VPS54: variants seen among roughly 807,000 people sequenced by gnomAD.
VPS54 encodes VPS54 subunit of GARP complex.
In VPS54, 45 loss-of-function variants were observed where a neutral mutation model predicts 121.5. The ratio of observed to expected loss-of-function variants is 0.37; its 90% CI spans 0.29 to 0.47. The LOEUF is 0.47. Ranked by LOEUF, VPS54 falls within the 20% of genes least tolerant of loss-of-function variation. VPS54 has a pLI of 0.99. For synonymous variants in VPS54, 371 were observed against 385.8 expected (o/e 0.96, Z 0.45); for missense variants, 1,090 against 1,131.4 (o/e 0.96, Z 0.52).
In VPS54 at chr2:63,989,035, G is replaced by A. The variant is rs188383278; in HGVS notation, c.-20-5016C>T. 5.5e-4 allele frequency among the ~76,000 whole-genome samples: 83 copies of A among 152,266 alleles called. 1 individual carries two copies. In the East Asian group the frequency reaches 0.014, roughly 26 times the overall value. On this transcript the variant is annotated intron_variant, in intron 1 of 22. Transcript: ENST00000272322. ...GGGGCCTCTAAAATGGCCGCTCTGG[G>A]AGTGTCTGCCTTACGCAGTTGTAGA... is the stretch of plus-strand genomic sequence containing the variant.
rs543100631 is a variant in VPS54 at position 63,902,864 on chromosome 2, A to G, written c.2626-3283T>C. On this transcript the variant is annotated intron_variant, in intron 20 of 22. Transcript: ENST00000272322. The stretch of plus-strand genomic sequence containing the variant: ...ATGCCTATAATCCCAGCTACTCCAG[A>G]GGCTGAGACCTGAGAATTGCTTAAA... Among the ~76,000 whole-genome samples, 3 of 152,332 alleles carry G rather than the reference A, an allele frequency of 2.0e-5. No individual in the cohort carries two copies. In the East Asian group the frequency reaches 5.8e-4, roughly 29 times the overall value.
intron 1 of VPS54, among the ~76,000 whole-genome samples, chr2:63,984,457 T>A (rs1676947765): frequency 6.6e-6 from 1 of 152,156 alleles, no homozygotes; most frequent in Admixed American, 6.5e-5. Flanking sequence ...ATCAGTGAAA[T>A]GGAGATGAAA....
intron 7 of VPS54, among the ~76,000 whole-genome samples, chr2:63,955,387 T>C (rs1675445932): frequency 1.3e-5 from 2 of 152,036 alleles, no homozygotes; most frequent in Admixed American, 1.3e-4. Context: ...CACTCAGGTA[T>C]GTGTTACCTC....
At chr2:64,010,210 A>C (rs1374848919) in intron 1 of VPS54, among the ~76,000 whole-genome samples, 1 of 152,210 alleles carries the variant, frequency 6.6e-6, no homozygotes, top group African/African-American at 2.4e-5. Flanking sequence ...AACATGGATA[A>C]AGTGGAATTT....
At chr2:63,920,124 C>A in intron 14 of VPS54, 129 bp from the exon 15 acceptor site, 1 of 668,260 alleles carries the variant, frequency 1.5e-6, no homozygotes. Flanking sequence ...CTTTAATAAG[C>A]AGGACCAATA....
At chr2:63,923,310 A>C (rs1358101614) in intron 12 of VPS54, among the ~76,000 whole-genome samples, 1 of 151,936 alleles carries the variant, frequency 6.6e-6, no homozygotes, top group Non-Finnish European at 1.5e-5. Flanking sequence ...AGTGAGGAAA[A>C]AAAAAAAGAA....
chr2:63,914,353 T>C, intron 16 of VPS54, 66 bp from the exon 17 acceptor site: 1 of 1,118,192 alleles, frequency 8.9e-7, no homozygotes, highest in Admixed American at 2.1e-5. Context: ...ATTTGGCATA[T>C]AAAAATCAAA....
At chr2:63,896,201 G>A (rs1038091993) in intron 22 of VPS54, among the ~76,000 whole-genome samples, 4 of 152,276 alleles carry the variant, frequency 2.6e-5, no homozygotes, top group African/African-American at 7.2e-5. Flanking sequence ...TTGGTATAAC[G>A]CTATTAATGT....
chr2:63,903,632 GGA>G (rs1480958497), intron 20 of VPS54, among the ~76,000 whole-genome samples: 1 of 152,034 alleles, frequency 6.6e-6, no homozygotes, highest in Non-Finnish European at 1.5e-5. Flanking sequence ...GCACACAGCA[GGA>G]GAGAGAGAAA....
chr2:63,945,009 C>G (rs1674912998), intron 9 of VPS54, among the ~76,000 whole-genome samples: 1 of 152,126 alleles, frequency 6.6e-6, no homozygotes, highest in Non-Finnish European at 1.5e-5. Context: ...GAGAGAAATA[C>G]CATTCAATCC....
At chr2:63,927,076 G>A (rs1232276117) in intron 12 of VPS54, among the ~76,000 whole-genome samples, 1 of 152,186 alleles carries the variant, frequency 6.6e-6, no homozygotes, top group African/African-American at 2.4e-5. Context: ...TCCCTGGGGA[G>A]GGCACAGCTG....
At chr2:63,986,256 C>T (rs942568519) in intron 1 of VPS54, among the ~76,000 whole-genome samples, 1 of 152,152 alleles carries the variant, frequency 6.6e-6, no homozygotes, top group African/African-American at 2.4e-5. Flanking sequence ...ACCACCACTA[C>T]CTTCTCCTCC....
intron 1 of VPS54, among the ~76,000 whole-genome samples, chr2:64,005,711 C>A (rs1678112554): frequency 6.6e-6 from 1 of 152,266 alleles, no homozygotes; most frequent in Admixed American, 6.5e-5. Context: ...CTGTGACAAT[C>A]AAAAATGTCC....
rs1436252790 is a variant in VPS54, at chr2:63,912,443, A to G, written c.2545-18T>C. ...TGGTAGTCCTGCAATGAGAAATGAT[A>G]ATTGTATTTTTAAGTCCCTGGGACA... On this transcript the variant is annotated intron_variant, in intron 19 of 22. Coordinates refer to ENST00000272322, the MANE Select transcript of VPS54 (RefSeq NM_016516.3). 6.2e-7 allele frequency: 1 copy of G among 1,611,874 alleles called. No individual in the cohort carries two copies. The highest frequency in any genetic ancestry group is 1.7e-5 in the Admixed American group (1 of 59,602).
At chr2:63,923,928 A>G (rs1022247486) in intron 12 of VPS54, among the ~76,000 whole-genome samples, 1 of 152,200 alleles carries the variant, frequency 6.6e-6, no homozygotes, top group Non-Finnish European at 1.5e-5. Context: ...CCGTTGTATG[A>G]AAGAACTAGT....
intron 1 of VPS54, among the ~76,000 whole-genome samples, chr2:63,991,462 G>A (rs551012423): frequency 5.3e-5 from 8 of 152,210 alleles, no homozygotes; most frequent in African/African-American, 1.7e-4. Flanking sequence ...CTATTCTGTG[G>A]GCACGGGCCA....
chr2:64,003,821 T>G (rs1452619853), intron 1 of VPS54, among the ~76,000 whole-genome samples: 2 of 152,226 alleles, frequency 1.3e-5, no homozygotes, highest in Non-Finnish European at 2.9e-5. Context: ...TGAAAGGCAC[T>G]AGAAGCATTG....
chr2:63,985,678 T>TACACACACACACAC (rs1491189848), intron 1 of VPS54, among the ~76,000 whole-genome samples: 1 of 101,696 alleles, frequency 9.8e-6, no homozygotes, highest in African/African-American at 5.3e-5. Context: ...AGTGACAAAT[T>TACACACACACACAC]ATACACACAC....
rs547976814 is a variant in VPS54 at position 64,007,893 on chromosome 2, G to T, written c.-21+11045C>A. Among the ~76,000 whole-genome samples, 20 of 152,210 alleles carry T rather than the reference G, an allele frequency of 1.3e-4. No homozygotes were observed. In the South Asian group the frequency reaches 3.9e-3, roughly 30 times the overall value. On this transcript the variant is annotated intron_variant, in intron 1 of 22. Coordinates refer to ENST00000272322, the MANE Select transcript of VPS54 (RefSeq NM_016516.3). ...CAAGGAGATTACTAACTTTAGAAAG[G>T]ATACTGGATTAAGAACAGTTTCAGG... is the stretch of plus-strand genomic sequence containing the variant.
Sources: gnomAD v4.1 joint callset for allele counts (sites outside exome capture counted in the v4.1 genomes callset) on GRCh38, gnomAD v4.1.1 for gene constraint, MANE v1.5 for transcripts, NCBI Gene and HGNC (gene_info 2026-07-23, HGNC 2026-07-21) for gene names.